The following RASGRF2 variants were observed in gnomAD, a reference collection of about 807,000 sequenced individuals.
The protein encoded by RASGRF2 is Ras protein specific guanine nucleotide releasing factor 2.
RASGRF2 carries 76 observed loss-of-function variants against 151.0 expected under a neutral mutation model. That is an observed-to-expected ratio of 0.50 (90% confidence interval 0.42 to 0.61). RASGRF2 has a LOEUF of 0.61. RASGRF2 is among the 20% of genes least tolerant of loss of function. The probability of loss-of-function intolerance (pLI) is 0.00; values close to 1 mark genes in which losing one functional copy is unlikely to be tolerated. For synonymous variants in RASGRF2, 504 were observed against 566.5 expected (o/e 0.89, Z 1.57); for missense variants, 1,148 against 1,564.6 (o/e 0.73, Z 4.49).
chr5:81,018,482 G>A (rs1296901885), intron 1 of RASGRF2, among the ~76,000 whole-genome samples: 3 of 152,100 alleles, frequency 2.0e-5, no homozygotes, highest in South Asian at 4.1e-4. Context: ...CAGACGTACC[G>A]GGAAAACATT....
chr5:81,137,788 A>G (rs943390352), intron 17 of RASGRF2, among the ~76,000 whole-genome samples: 112 of 152,234 alleles, frequency 7.4e-4, no homozygotes, highest in African/African-American at 2.7e-3. Flanking sequence ...AAATACATTT[A>G]TTTAGCACCA....
chr5:80,986,272 G>A (rs1218165159), intron 1 of RASGRF2, among the ~76,000 whole-genome samples: 1 of 152,144 alleles, frequency 6.6e-6, no homozygotes, highest in African/African-American at 2.4e-5. Context: ...AGATCATTAA[G>A]ACATTCATGG....
intron 17 of RASGRF2, among the ~76,000 whole-genome samples, chr5:81,129,337 G>C (rs1753554586): frequency 6.6e-6 from 1 of 151,956 alleles, no homozygotes; most frequent in Admixed American, 6.6e-5. Flanking sequence ...ATTCACAATA[G>C]TAACTAGTAG....
rs145007032 is a variant in RASGRF2 at position 81,140,719 on chromosome 5, T to G, written c.2686+13556T>G. Reference sequence around the variant, plus strand: ...TGGTGCTGCACTGCCGAGTTCCTTTTCTTTGCACTTTCCCTTCCCAGGCTC... The same window carrying G: ...TGGTGCTGCACTGCCGAGTTCCTTTGCTTTGCACTTTCCCTTCCCAGGCTC... On this transcript the variant is annotated intron_variant, in intron 17 of 26. Transcript: ENST00000265080. Among the ~76,000 whole-genome samples the G allele has an allele frequency of 1.6e-4, 25 of 152,314 alleles. No individual in the cohort carries two copies. In the East Asian group the frequency reaches 4.6e-3, roughly 28 times the overall value.
rs140614872 is a variant in RASGRF2 at position 81,112,688 on chromosome 5, C to A, written c.1917C>A (p.Ile639=). 64 of 1,614,086 alleles carry A rather than the reference C, an allele frequency of 4.0e-5. No homozygotes were observed. Among genetic ancestry groups the A allele is most frequent in the Admixed American group, 1.7e-5 (1 of 60,002 alleles). ...KTLNSCKVPQ[I]RYASVERLLE... ...TCAACTCCTGCAAAGTGCCCCAGAT[C>A]CGTTATGCCAGCGTGGAGCGCCTCT... Residue 639 remains isoleucine, a synonymous_variant, in exon 14 of 27, where the codon ATC becomes ATA. Transcript: ENST00000265080.
rs544712501 is a variant in RASGRF2 at position 81,194,068 on chromosome 5, G to A, written c.2794-7262G>A. On this transcript the variant is annotated intron_variant, in intron 18 of 26. Transcript: ENST00000265080. The stretch of plus-strand genomic sequence containing the variant: ...AATAAAGTAGCTAAAATGTGGCCAG[G>A]TGTGGTGGATCACATCTGTAATCCC... 1.1e-4 allele frequency among the ~76,000 whole-genome samples: 17 copies of A among 152,120 alleles called. No individual in the cohort carries two copies. The South Asian group carries it at 3.3e-3, about 30-fold the overall frequency.
At chr5:81,133,576 T>C (rs1753678047) in intron 17 of RASGRF2, among the ~76,000 whole-genome samples, 1 of 152,222 alleles carries the variant, frequency 6.6e-6, no homozygotes, top group Non-Finnish European at 1.5e-5. Context: ...GGATTAATTA[T>C]AGAGTTTGTG....
chr5:81,098,329 T>C (rs1192696567), intron 12 of RASGRF2, among the ~76,000 whole-genome samples: 1 of 152,002 alleles, frequency 6.6e-6, no homozygotes, highest in Non-Finnish European at 1.5e-5. Flanking sequence ...TTGAGTGGAG[T>C]TGATAAATAA....
intron 2 of RASGRF2, among the ~76,000 whole-genome samples, chr5:81,057,700 A>G (rs975815000): frequency 6.6e-6 from 1 of 152,272 alleles, no homozygotes; most frequent in South Asian, 2.1e-4. Flanking sequence ...AGGACATTAA[A>G]AAACCTCTCT....
intron 22 of RASGRF2, among the ~76,000 whole-genome samples, chr5:81,210,952 C>T (rs1198071759): frequency 6.6e-6 from 1 of 152,092 alleles, no homozygotes; most frequent in African/African-American, 2.4e-5. Flanking sequence ...TCAAGACCAG[C>T]CTGGGCAACA....
At chr5:81,139,128 A>G (rs1753823464) in intron 17 of RASGRF2, among the ~76,000 whole-genome samples, 1 of 152,124 alleles carries the variant, frequency 6.6e-6, no homozygotes, top group Admixed American at 6.5e-5. Context: ...TGTTGCACTT[A>G]TTCCTAAGTA....
chr5:80,974,864 T>A (rs1270904813), intron 1 of RASGRF2, among the ~76,000 whole-genome samples: 3 of 152,162 alleles, frequency 2.0e-5, no homozygotes, highest in Non-Finnish European at 4.4e-5. Flanking sequence ...TGAGGCCCTG[T>A]TATTTTTTTT....
At chr5:81,064,144 T>A (rs1000849376) in intron 2 of RASGRF2, among the ~76,000 whole-genome samples, 4 of 152,212 alleles carry the variant, frequency 2.6e-5, no homozygotes, top group Non-Finnish European at 4.4e-5. Context: ...AATGCACAAC[T>A]GGGGAAGGAT....
chr5:80,981,779 T>C (rs953930940), intron 1 of RASGRF2, among the ~76,000 whole-genome samples: 4 of 152,166 alleles, frequency 2.6e-5, no homozygotes, highest in Non-Finnish European at 4.4e-5. Context: ...TTGGCCAGGC[T>C]GATTGCAAAC....
intron 17 of RASGRF2, among the ~76,000 whole-genome samples, chr5:81,144,898 CA>C (rs1176642220): frequency 6.6e-6 from 1 of 152,032 alleles, no homozygotes; most frequent in Non-Finnish European, 1.5e-5. Context: ...GCTTGAATTT[CA>C]TCAGTACTTT....
intron 19 of RASGRF2, 55 bp from the exon 20 acceptor site, chr5:81,206,790 G>A (rs1755517472): frequency 6.8e-7 from 1 of 1,474,632 alleles, no homozygotes; most frequent in Non-Finnish European, 9.5e-7. Flanking sequence ...TTGTAGTTTT[G>A]TTCCTAGGTT....
intron 17 of RASGRF2, among the ~76,000 whole-genome samples, chr5:81,164,828 T>C (rs1440589722): frequency 1.3e-5 from 2 of 152,208 alleles, no homozygotes; most frequent in African/African-American, 4.8e-5. Context: ...TAGAGTCCTA[T>C]GTAGATGAGG....
In RASGRF2 at chr5:81,012,586, G is replaced by A. The variant is rs139695239; in HGVS notation, c.289-30291G>A. Among the ~76,000 whole-genome samples, 1,441 of 152,218 alleles carry A rather than the reference G, an allele frequency of 9.5e-3. 31 individuals are homozygous for A. Among genetic ancestry groups the A allele is most frequent in the African/African-American group, 0.033 (1,364 of 41,532 alleles). ...GCTGTAGAGAGCTACCTTGTCCAAG[G>A]TTATGCCCTTCCTGAGGCAGCCCAC... On this transcript the variant is annotated intron_variant, in intron 1 of 26. Coordinates refer to ENST00000265080, the MANE Select transcript of RASGRF2 (RefSeq NM_006909.3).
At chr5:81,141,134 T>C (rs1753875422) in intron 17 of RASGRF2, among the ~76,000 whole-genome samples, 1 of 152,208 alleles carries the variant, frequency 6.6e-6, no homozygotes, top group South Asian at 2.1e-4. Flanking sequence ...GAGCCACCAG[T>C]GTGTGACCTC....
Sources: gnomAD v4.1 joint callset for allele counts (sites outside exome capture counted in the v4.1 genomes callset) on GRCh38, gnomAD v4.1.1 for gene constraint, MANE v1.5 for transcripts, NCBI Gene and HGNC (gene_info 2026-07-23, HGNC 2026-07-21) for gene names.